Variants in ZDHHC6 observed in about 807,000 individuals in gnomAD.
The protein encoded by ZDHHC6 is zDHHC palmitoyltransferase 6, also known as palmitoyltransferase ZDHHC6.
ZDHHC6 carries 32 observed loss-of-function variants against 57.8 expected under a neutral mutation model. The observed-to-expected ratio is 0.55, with a 90% CI of 0.42 to 0.74. The LOEUF (loss-of-function observed/expected upper bound fraction) is 0.74. Among genes scored for constraint, ZDHHC6 ranks in the 30% least tolerant of loss-of-function variants. The pLI is 0.00. For missense variants in ZDHHC6, 433 were observed against 500.7 expected, an observed-to-expected ratio of 0.86 and a Z score of 1.29; for synonymous variants, 128 against 158.0, an observed-to-expected ratio of 0.81 and a Z score of 1.42.
chr10:112,427,487 C>T (rs1212094840), downstream of ZDHHC6: 19 of 857,666 alleles, frequency 2.2e-5, no homozygotes, highest in Non-Finnish European at 3.1e-5. Context: ...AAAGCCATAG[C>T]TTTTGTTTTA....
rs1017942642 is a variant in ZDHHC6 at position 112,430,529 on chromosome 10, A to C, written c.*275T>G. ...GGTCCAGAGTGTGCAGTGCATAAGA[A>C]AATCCTACAGAAAATGCCGTTAACT... On this transcript the variant is annotated 3_prime_UTR_variant, in exon 11 of 11. Coordinates refer to ENST00000369405, the MANE Select transcript of ZDHHC6 (RefSeq NM_022494.3). 10 of 304,792 alleles carry C rather than the reference A, an allele frequency of 3.3e-5. No homozygotes were observed. The highest frequency in any genetic ancestry group is 6.1e-5 in the Non-Finnish European group (10 of 162,832). 18.9% of individuals were successfully genotyped at this position (304,792 alleles called of 1,614,324 possible). A position where few individuals can be genotyped will look rare whatever the true frequency, so the allele number is the denominator to read the frequency against.
At chr10:112,435,539 G>T (rs577525104) in intron 6 of ZDHHC6, among the ~76,000 whole-genome samples, 1 of 152,254 alleles carries the variant, frequency 6.6e-6, no homozygotes, top group African/African-American at 2.4e-5. Flanking sequence ...TATTAGAAAT[G>T]ATACTTTGAA....
At chr10:112,434,529 T>C (rs962953035) in intron 6 of ZDHHC6, 65 bp from the exon 7 acceptor site, 5 of 1,433,334 alleles carry the variant, frequency 3.5e-6, no homozygotes, top group East Asian at 4.8e-5. Context: ...TAATATGTTA[T>C]TGAGAACACT....
intron 4 of ZDHHC6, 77 bp downstream of exon 4, chr10:112,442,115 A>G (rs1846171721): frequency 1.4e-6 from 2 of 1,400,150 alleles, no homozygotes; most frequent in South Asian, 1.7e-5. Flanking sequence ...TTCCAAAAGG[A>G]ACCTCTTAAA....
At chr10:112,445,087 T>G (rs900986430) in intron 2 of ZDHHC6, 83 bp downstream of exon 2, 1 of 1,457,084 alleles carries the variant, frequency 6.9e-7, no homozygotes, top group African/African-American at 1.4e-5. Context: ...TAGGCTGTGT[T>G]TGGTATTATT....
downstream of ZDHHC6, chr10:112,425,443 C>T: frequency 6.2e-7 from 1 of 1,612,908 alleles, no homozygotes; most frequent in Non-Finnish European, 8.5e-7. Flanking sequence ...CAGGAGTCAA[C>T]CAGTGTTACA....
At chr10:112,438,475 T>C (rs1845761469) in intron 5 of ZDHHC6, 86 bp from the exon 6 acceptor site, 2 of 1,040,196 alleles carry the variant, frequency 1.9e-6, no homozygotes, top group Non-Finnish European at 2.6e-6. Context: ...AGATAGCTTT[T>C]ATTACTCCAT....
downstream of ZDHHC6, among the ~76,000 whole-genome samples, chr10:112,428,902 G>A (rs1844846242): frequency 6.6e-6 from 1 of 152,212 alleles, no homozygotes; most frequent in African/African-American, 2.4e-5. Flanking sequence ...ATTCTAGTCT[G>A]CGAACAGGTT....
intron 6 of ZDHHC6, 29 bp from the exon 7 acceptor site, chr10:112,434,493 G>T: frequency 6.3e-7 from 1 of 1,594,614 alleles, no homozygotes; most frequent in Non-Finnish European, 8.5e-7. Context: ...TAAGATGGCA[G>T]GTGCCTCTGT....
Position 112,440,705 on chromosome 10 carries a change from C to T in ZDHHC6, c.520-10G>A. Reference sequence around the variant, plus strand: ...TCCACCCAAAGGAGAGCTATCGCAGCAACAATAGCACACGCACAAAATGTT... The same window carrying T: ...TCCACCCAAAGGAGAGCTATCGCAGTAACAATAGCACACGCACAAAATGTT... On this transcript the variant is annotated splice_polypyrimidine_tract_variant and intron_variant, in intron 4 of 10. Transcript: ENST00000369405. 1 of 1,608,634 alleles carries T rather than the reference C, an allele frequency of 6.2e-7. No homozygotes were observed. The highest frequency in any genetic ancestry group is 8.5e-7 in the Non-Finnish European group (1 of 1,176,564).
At chr10:112,431,183 A>G (rs979856803) in intron 10 of ZDHHC6, among the ~76,000 whole-genome samples, 2 of 152,178 alleles carry the variant, frequency 1.3e-5, no homozygotes, top group Non-Finnish European at 2.9e-5. Flanking sequence ...GGAACTCGGT[A>G]TGGGTGTTTA....
At position 112,443,513 on chromosome 10, in the gene ZDHHC6, A is replaced by G. The variant is rs1447046290; in HGVS notation, c.359+2T>C. ...TCGCTGAACAGCAAGAAAGACAGGT[A>G]CCTGTTACACTTTCTGCAGTGATGT... On this transcript the variant is annotated splice_donor_variant, in intron 3 of 10. Transcript: ENST00000369405. LOFTEE classifies it high-confidence loss of function. 9 of 1,613,378 alleles carry G rather than the reference A, an allele frequency of 5.6e-6. No homozygotes were observed. Among genetic ancestry groups the G allele is most frequent in the African/African-American group, 1.3e-5 (1 of 74,930 alleles).
At position 112,440,411 on chromosome 10, in the gene ZDHHC6, A is replaced by T. The variant is rs1157276255; in HGVS notation, c.681+123T>A. On this transcript the variant is annotated intron_variant, in intron 5 of 10. Coordinates refer to ENST00000369405, the MANE Select transcript of ZDHHC6 (RefSeq NM_022494.3). ...GAATACAAAGGAGATTAGTTACCTA[A>T]ATGAAATAAGCAAAAATAATTTCCA... The T allele has an allele frequency of 2.5e-5, 28 of 1,131,490 alleles. No homozygotes were observed. The East Asian group carries it at 6.6e-4, about 26-fold the overall frequency. The allele number at this position is 1,131,490 out of a possible 1,614,324, so 70.1% of individuals were successfully genotyped here.
At chr10:112,429,666 G>T (rs1328324821), downstream of ZDHHC6, among the ~76,000 whole-genome samples, 1 of 152,194 alleles carries the variant, frequency 6.6e-6, no homozygotes, top group Admixed American at 6.5e-5. Context: ...AAGCCCACCA[G>T]CTTGGATCCT....
downstream of ZDHHC6, chr10:112,425,552 T>C: frequency 7.6e-7 from 1 of 1,322,952 alleles, no homozygotes; most frequent in Non-Finnish European, 1.0e-6. Context: ...ACAGGAAATT[T>C]GTATAGTTGG....
downstream of ZDHHC6, among the ~76,000 whole-genome samples, chr10:112,428,684 T>C (rs1844831291): frequency 6.6e-6 from 1 of 151,516 alleles, no homozygotes; most frequent in South Asian, 2.1e-4. Context: ...GGCAGGAGAA[T>C]GGCATGAACC....
At chr10:112,447,149 T>C, upstream of ZDHHC6, 1 of 530,428 alleles carries the variant, frequency 1.9e-6, no homozygotes, top group Non-Finnish European at 3.4e-6. Flanking sequence ...AACTTACTTA[T>C]CTTAAAGTCG....
At chr10:112,442,057 C>A in intron 4 of ZDHHC6, 135 bp downstream of exon 4, 2 of 1,033,820 alleles carry the variant, frequency 1.9e-6, no homozygotes, top group Non-Finnish European at 1.3e-6. Flanking sequence ...AACCCATATA[C>A]CAGTAAAACA....
At chr10:112,445,098 G>C (rs1189657177) in intron 2 of ZDHHC6, 72 bp downstream of exon 2, 83 of 1,505,402 alleles carry the variant, frequency 5.5e-5, no homozygotes, top group Non-Finnish European at 7.3e-5. Context: ...TGGTATTATT[G>C]GTTAGTAGAT....
Sources: gnomAD v4.1 joint callset for allele counts (sites outside exome capture counted in the v4.1 genomes callset) on GRCh38, gnomAD v4.1.1 for gene constraint, MANE v1.5 for transcripts, NCBI Gene and HGNC (gene_info 2026-07-23, HGNC 2026-07-21) for gene names.